Variants in COL22A1 observed in about 807,000 individuals in gnomAD.
The protein encoded by COL22A1 is collagen alpha-1(XXII) chain.
Under a neutral mutation model 248.9 loss-of-function variants are expected in COL22A1, and 221 were observed. The observed-to-expected ratio is 0.89, with a 90% CI of 0.80 to 0.99. COL22A1 has a LOEUF of 0.99. Ranked by LOEUF, COL22A1 falls within the 50% of genes least tolerant of loss-of-function variation. The pLI, the probability that COL22A1 is intolerant of heterozygous loss-of-function variation, is 0.00. For synonymous variants in COL22A1, 891 were observed against 793.4 expected, an observed-to-expected ratio of 1.12 and a Z score of -2.07; for missense variants, 2,240 against 2,179.0, an observed-to-expected ratio of 1.03 and a Z score of -0.56.
intron 56 of COL22A1, 61 bp downstream of exon 56, chr8:138,613,806 A>G (rs987853232): frequency 2.9e-6 from 4 of 1,393,218 alleles, no homozygotes; most frequent in Non-Finnish European, 4.1e-6. Flanking sequence ...CTAACTAAAT[A>G]TCATTGTGGT....
At chr8:138,881,957 G>T (rs1824246899) in intron 2 of COL22A1, among the ~76,000 whole-genome samples, 1 of 152,070 alleles carries the variant, frequency 6.6e-6, no homozygotes, top group Non-Finnish European at 1.5e-5. Flanking sequence ...CTCCCCTCCT[G>T]CCCCGGGCCT....
chr8:138,732,607 A>G (rs1830792966), intron 23 of COL22A1, among the ~76,000 whole-genome samples: 1 of 152,270 alleles, frequency 6.6e-6, no homozygotes, highest in African/African-American at 2.4e-5. Flanking sequence ...TTAACAAAAT[A>G]TCTAAACAAC....
At chr8:138,738,014 C>T (rs186445832) in intron 22 of COL22A1, among the ~76,000 whole-genome samples, 6 of 152,188 alleles carry the variant, frequency 3.9e-5, no homozygotes, top group East Asian at 3.9e-4. Flanking sequence ...CCCCGTCCCC[C>T]GTTTCTTCAC....
At chr8:138,700,563 C>T (rs1401002081) in intron 31 of COL22A1, among the ~76,000 whole-genome samples, 2 of 152,168 alleles carry the variant, frequency 1.3e-5, no homozygotes, top group African/African-American at 4.8e-5. Context: ...GATGCAGGTG[C>T]GTAGTAGACA....
chr8:138,905,528 A>T (rs926757650), intron 1 of COL22A1, among the ~76,000 whole-genome samples: 5 of 152,100 alleles, frequency 3.3e-5, no homozygotes, highest in African/African-American at 1.2e-4. Context: ...CTCCTACCTT[A>T]AGAGACCCTG....
Position 138,617,022 on chromosome 8 carries a change from C to T in COL22A1, c.3826-64G>A, listed in dbSNP as rs1238691175. 2.0e-5 allele frequency: 32 copies of T among 1,562,368 alleles called. No homozygotes were observed. The East Asian group carries it at 6.9e-4, about 34-fold the overall frequency. ...GGCTCTTGGGGCAGAAGTGGGCAGG[C>T]ATACCTCCCTGCCGGCTTTGACCCA... On this transcript the variant is annotated intron_variant, in intron 53 of 64. Transcript: ENST00000303045.
chr8:138,799,119 T>A (rs1374409165), intron 11 of COL22A1, among the ~76,000 whole-genome samples: 3 of 152,178 alleles, frequency 2.0e-5, no homozygotes, highest in Non-Finnish European at 4.4e-5. Context: ...TTTTTTCTAT[T>A]TCATTTATTA....
chr8:138,626,089 G>A lies in COL22A1; in HGVS notation c.3717+101C>T, dbSNP rs191325380. The A allele has an allele frequency of 1.2e-3, 1,061 of 852,342 alleles. 8 individuals carry two copies. The highest frequency in any genetic ancestry group is 5.8e-3 in the South Asian group (344 of 59,562). 52.8% of individuals were successfully genotyped at this position (852,342 alleles called of 1,614,324 possible). A position where few individuals can be genotyped will look rare whatever the true frequency, so the allele number is the denominator to read the frequency against. On this transcript the variant is annotated intron_variant, in intron 51 of 64. Transcript: ENST00000303045. ...TTCTACAACACTCAAAATTCTAGTG[G>A]CCAGGCCTTGTTTTGACAGTGGAAT...
At chr8:138,704,540 T>C (rs200962585) in intron 30 of COL22A1, among the ~76,000 whole-genome samples, 1 of 151,968 alleles carries the variant, frequency 6.6e-6, no homozygotes. Flanking sequence ...CCAGAAAACT[T>C]CAACAGACCT....
rs371103346 is a variant in COL22A1 at position 138,676,540 on chromosome 8, G to A, written c.3150+18C>T. ...TATGTCCTGAAAGCAAGTAAGAGCT[G>A]GATAAATAAAGACTTACAGGAGGGC... On this transcript the variant is annotated intron_variant, in intron 41 of 64. Transcript: ENST00000303045. The A allele has an allele frequency of 8.4e-6, 13 of 1,541,982 alleles. No homozygotes were observed. In the African/African-American group the frequency reaches 1.6e-4, roughly 19 times the overall value.
chr8:138,608,840 C>G (rs1587662714), intron 56 of COL22A1, among the ~76,000 whole-genome samples: 1 of 152,204 alleles, frequency 6.6e-6, no homozygotes, highest in East Asian at 1.9e-4. Context: ...ACCTGGCTCT[C>G]TTTCCCACCA....
At chr8:138,707,604 C>T (rs926830656) in intron 30 of COL22A1, among the ~76,000 whole-genome samples, 2 of 152,138 alleles carry the variant, frequency 1.3e-5, no homozygotes, top group African/African-American at 4.8e-5. Context: ...TGCTAAAACT[C>T]TCAATATATT....
intron 3 of COL22A1, among the ~76,000 whole-genome samples, chr8:138,862,519 G>A (rs1017685396): frequency 8.0e-5 from 11 of 137,928 alleles, no homozygotes; most frequent in African/African-American, 3.0e-4. Context: ...CCTGACCTGA[G>A]CAGAACCCTT....
intron 56 of COL22A1, among the ~76,000 whole-genome samples, chr8:138,611,560 T>A (rs767880395): frequency 1.9e-4 from 29 of 152,202 alleles, no homozygotes; most frequent in Non-Finnish European, 3.5e-4. Context: ...TTTTTCCTAA[T>A]CTCTCCGTAT....
chr8:138,759,146 C>T (rs978731700), intron 18 of COL22A1, among the ~76,000 whole-genome samples: 3 of 152,188 alleles, frequency 2.0e-5, no homozygotes, highest in Non-Finnish European at 4.4e-5. Flanking sequence ...CCCGAGTGAG[C>T]GAGTTTGGAA....
chr8:138,628,646 C>T (rs1319639714), intron 50 of COL22A1, among the ~76,000 whole-genome samples: 6 of 152,164 alleles, frequency 3.9e-5, no homozygotes, highest in Non-Finnish European at 8.8e-5. Context: ...TTCAGCACCA[C>T]GGACAGCTTC....
intron 16 of COL22A1, among the ~76,000 whole-genome samples, chr8:138,765,279 G>C (rs533546227): frequency 6.6e-6 from 1 of 152,166 alleles, no homozygotes; most frequent in Admixed American, 6.5e-5. Flanking sequence ...GAGGGACTGC[G>C]GGGCCTGGGC....
chr8:138,911,755 G>C (rs1815468272), intron 1 of COL22A1, among the ~76,000 whole-genome samples: 1 of 152,160 alleles, frequency 6.6e-6, no homozygotes, highest in South Asian at 2.1e-4. Context: ...TCATTTTGTA[G>C]GTATAAAACC....
At chr8:138,627,915 G>A (rs1442737548) in intron 50 of COL22A1, among the ~76,000 whole-genome samples, 1 of 152,146 alleles carries the variant, frequency 6.6e-6, no homozygotes, top group Non-Finnish European at 1.5e-5. Context: ...TAGAAGTTAA[G>A]TCAGAGTTTT....
Sources: allele counts gnomAD v4.1 joint callset (sites outside exome capture counted in the v4.1 genomes callset), GRCh38; gene constraint gnomAD v4.1.1; transcripts MANE v1.5; gene names NCBI Gene and HGNC (gene_info 2026-07-23, HGNC 2026-07-21).